The following NR6A1 variants were observed in gnomAD, a reference collection of about 807,000 sequenced individuals.
NR6A1 encodes retinoic acid receptor-related testis-associated receptor.
Under a neutral mutation model 59.1 loss-of-function variants are expected in NR6A1, and 7 were observed. The observed-to-expected ratio is 0.12, with a 90% CI of 0.07 to 0.22. NR6A1 has a LOEUF of 0.22. Among genes scored for constraint, NR6A1 ranks in the 10% least tolerant of loss-of-function variants. The pLI, the probability that NR6A1 is intolerant of heterozygous loss-of-function variation, is 1.00. For synonymous variants in NR6A1, 243 were observed against 236.1 expected (o/e 1.03, Z -0.27); for missense variants, 468 against 611.6 (o/e 0.77, Z 2.48).
At chr9:124,635,473 G>A (rs571004422) in intron 2 of NR6A1, among the ~76,000 whole-genome samples, 6 of 152,238 alleles carry the variant, frequency 3.9e-5, no homozygotes, top group South Asian at 2.1e-4. Flanking sequence ...CTCCTGCCCC[G>A]CTGTGAAGAG....
intron 2 of NR6A1, among the ~76,000 whole-genome samples, chr9:124,660,430 G>A (rs922480888): frequency 6.6e-6 from 1 of 152,104 alleles, no homozygotes; most frequent in African/African-American, 2.4e-5. Flanking sequence ...TTCACATGAC[G>A]ATTCGAAAAG....
chr9:124,761,891 G>A (rs1400680624), intron 1 of NR6A1, among the ~76,000 whole-genome samples: 1 of 152,160 alleles, frequency 6.6e-6, no homozygotes, highest in Non-Finnish European at 1.5e-5. Flanking sequence ...TAAGCAACAG[G>A]TTTCATGTAG....
At chr9:124,550,289 G>C (rs1196822849) in intron 3 of NR6A1, among the ~76,000 whole-genome samples, 1 of 149,896 alleles carries the variant, frequency 6.7e-6, no homozygotes, top group Non-Finnish European at 1.5e-5. Flanking sequence ...CAAATATTCT[G>C]TTTCTGTTGA....
At chr9:124,584,236 T>C (rs760973781) in intron 2 of NR6A1, among the ~76,000 whole-genome samples, 5 of 151,804 alleles carry the variant, frequency 3.3e-5, no homozygotes, top group Non-Finnish European at 7.4e-5. Context: ...GCCTCCCGAG[T>C]AGCTGGGATT....
chr9:124,670,894 T>C (rs1054169789), intron 2 of NR6A1, among the ~76,000 whole-genome samples: 1 of 152,206 alleles, frequency 6.6e-6, no homozygotes, highest in African/African-American at 2.4e-5. Context: ...CTTGGGCCGT[T>C]GCAGTTATTC....
intron 2 of NR6A1, among the ~76,000 whole-genome samples, chr9:124,688,812 G>A (rs1056880565): frequency 3.1e-4 from 47 of 152,280 alleles, no homozygotes; most frequent in African/African-American, 1.1e-3. Context: ...TTCAAAATGT[G>A]TTTATGTACA....
At chr9:124,770,954 G>A (rs1349137499) in intron 1 of NR6A1, 66 bp downstream of exon 1, 8 of 911,852 alleles carry the variant, frequency 8.8e-6, no homozygotes, top group South Asian at 5.5e-5. Context: ...AGAGGAGGGG[G>A]ATCCCTGGCG....
At chr9:124,540,231 C>G (rs1393155030) in intron 4 of NR6A1, 44 bp from the exon 5 acceptor site, 49 of 1,578,026 alleles carry the variant, frequency 3.1e-5, no homozygotes, top group Non-Finnish European at 4.1e-5. Context: ...GCTCAGGACA[C>G]TTGCTCTTTC....
At chr9:124,688,769 A>C (rs1303151418) in intron 2 of NR6A1, among the ~76,000 whole-genome samples, 1 of 152,196 alleles carries the variant, frequency 6.6e-6, no homozygotes, top group Admixed American at 6.5e-5. Context: ...GGAGGTGATA[A>C]ATGAGTTCCT....
chr9:124,747,175 G>GAC (rs1366456486), intron 1 of NR6A1, among the ~76,000 whole-genome samples: 2 of 146,866 alleles, frequency 1.4e-5, no homozygotes, highest in Admixed American at 1.4e-4. Flanking sequence ...TGATTATACA[G>GAC]ACCTTGTCTG....
At chr9:124,670,531 T>A (rs890375625) in intron 2 of NR6A1, among the ~76,000 whole-genome samples, 2 of 149,206 alleles carry the variant, frequency 1.3e-5, no homozygotes, top group Admixed American at 1.3e-4. Context: ...TCTGACATTA[T>A]GTCTCCAGGT....
chr9:124,730,785 T>A (rs1839861714), intron 2 of NR6A1, among the ~76,000 whole-genome samples: 1 of 152,126 alleles, frequency 6.6e-6, no homozygotes. Flanking sequence ...CATTAACCAT[T>A]TTCAATTGCT....
intron 2 of NR6A1, among the ~76,000 whole-genome samples, chr9:124,635,950 G>A (rs543990918): frequency 6.6e-6 from 1 of 152,320 alleles, no homozygotes; most frequent in African/African-American, 2.4e-5. Context: ...TTTCAAAGTA[G>A]CTGTATCATT....
At chr9:124,719,072 C>T (rs1484746566) in intron 2 of NR6A1, among the ~76,000 whole-genome samples, 1 of 151,666 alleles carries the variant, frequency 6.6e-6, no homozygotes, top group African/African-American at 2.4e-5. Context: ...AATTCCTAGA[C>T]GTATGAATTG....
intron 2 of NR6A1, among the ~76,000 whole-genome samples, chr9:124,631,034 C>T (rs1373609065): frequency 6.6e-6 from 1 of 152,086 alleles, no homozygotes; most frequent in Admixed American, 6.5e-5. Flanking sequence ...TTATCTTTTA[C>T]AGTTATTGTG....
chr9:124,544,102 T>A lies in NR6A1; in HGVS notation c.386-245A>T, dbSNP rs533027876. 6.1e-4 allele frequency among the ~76,000 whole-genome samples: 93 copies of A among 152,362 alleles called. 1 individual carries two copies. The South Asian group carries it at 0.019, about 31-fold the overall frequency. ...CTACACACACTGTATACATTCAATA[T>A]GTTCGAAAAAGGTGATAGCACTGCT... On this transcript the variant is annotated intron_variant, in intron 3 of 9. Coordinates refer to ENST00000487099, the MANE Select transcript of NR6A1 (RefSeq NM_033334.4).
intron 2 of NR6A1, among the ~76,000 whole-genome samples, chr9:124,672,887 G>A (rs760841593): frequency 2.0e-5 from 3 of 151,978 alleles, no homozygotes; most frequent in Non-Finnish European, 4.4e-5. Context: ...CCAATTGGTT[G>A]GAGAGAAAGA....
At chr9:124,567,831 C>CTTTTTTT (rs534591761) in intron 2 of NR6A1, among the ~76,000 whole-genome samples, 2 of 101,336 alleles carry the variant, frequency 2.0e-5, no homozygotes, top group South Asian at 3.3e-4. Context: ...TAAAAATTTG[C>CTTTTTTT]TTTTTTTTTT....
At chr9:124,646,001 A>G (rs1166108590) in intron 2 of NR6A1, among the ~76,000 whole-genome samples, 1 of 152,238 alleles carries the variant, frequency 6.6e-6, no homozygotes, top group South Asian at 2.1e-4. Context: ...AGATTAAACA[A>G]TACAATTCTA....
Sources: gnomAD v4.1 joint callset for allele counts (sites outside exome capture counted in the v4.1 genomes callset) on GRCh38, gnomAD v4.1.1 for gene constraint, MANE v1.5 for transcripts, NCBI Gene and HGNC (gene_info 2026-07-23, HGNC 2026-07-21) for gene names.